The following LNX1 variants were observed in gnomAD, a reference collection of about 807,000 sequenced individuals.
LNX1 encodes ligand of numb-protein X 1.
Under a neutral mutation model 68.4 loss-of-function variants are expected in LNX1, and 54 were observed. The ratio of observed to expected loss-of-function variants is 0.79; its 90% CI spans 0.63 to 0.99. The LOEUF (loss-of-function observed/expected upper bound fraction) is 0.99, where lower values mean the gene tolerates loss of function less well. LNX1 is among the 50% of genes least tolerant of loss of function. LNX1 has a pLI of 0.00. For missense variants in LNX1, 906 were observed against 926.4 expected, an observed-to-expected ratio of 0.98 and a Z score of 0.29; for synonymous variants, 336 against 350.0, an observed-to-expected ratio of 0.96 and a Z score of 0.45.
intron 5 of LNX1, among the ~76,000 whole-genome samples, chr4:53,497,125 T>C (rs1725125182): frequency 6.6e-6 from 1 of 152,234 alleles, no homozygotes; most frequent in African/African-American, 2.4e-5. Flanking sequence ...GATCTCTTTA[T>C]AAAGCTACTT....
At chr4:53,462,042 T>C (rs1722179042) in intron 9 of LNX1, among the ~76,000 whole-genome samples, 1 of 152,120 alleles carries the variant, frequency 6.6e-6, no homozygotes, top group Admixed American at 6.6e-5. Flanking sequence ...CTAATCCTAA[T>C]AAATGAATTC....
At chr4:53,552,707 T>TA (rs1729597778) in intron 2 of LNX1, among the ~76,000 whole-genome samples, 1 of 151,454 alleles carries the variant, frequency 6.6e-6, no homozygotes, top group South Asian at 2.1e-4. Context: ...CAGGTGCCTG[T>TA]AGTCCCAGCT....
rs768544463 is a variant in LNX1, at chr4:53,573,803, T to C, written c.200A>G (p.Asn67Ser). The stretch of plus-strand genomic sequence containing the variant: ...ACAGAAGTCCTTCTCCACCAGGAAG[T>C]TGGTGAGGCAGAGGGTGCAGTAGGT... ...GHTYCTLCLT[N>S]FLVEKDFCPM... Residue 67 changes from asparagine (N) to serine (S), a missense_variant, in exon 2 of 11, where the codon AAC becomes AGC. Coordinates refer to ENST00000263925, the MANE Select transcript of LNX1 (RefSeq NM_001126328.3). 41 of 1,612,990 alleles carry C rather than the reference T, an allele frequency of 2.5e-5. No homozygotes were observed. Among genetic ancestry groups the C allele is most frequent in the Non-Finnish European group, 3.4e-5 (40 of 1,179,522 alleles).
In LNX1 at chr4:53,460,359, A is replaced by AAT. The variant is rs1721698332; in HGVS notation, c.*546_*547dup. 1 of 176,186 alleles carries AAT rather than the reference A, an allele frequency of 5.7e-6. No homozygotes were observed. Among genetic ancestry groups the AAT allele is most frequent in the South Asian group, 2.0e-4 (1 of 5,114 alleles). The allele number at this position is 176,186 out of a possible 1,614,324, so 10.9% of individuals were successfully genotyped here. ...GAGGTATTCATCGGTGATGGTAACAAATAACATGGTATTTGAAAGAATAAA... is the reference window on the plus strand; with the variant it reads ...GAGGTATTCATCGGTGATGGTAACAAATATAACATGGTATTTGAAAGAATAAA... On this transcript the variant is annotated 3_prime_UTR_variant, in exon 11 of 11. Coordinates refer to ENST00000263925, the MANE Select transcript of LNX1 (RefSeq NM_001126328.3).
At chr4:53,540,621 G>A (rs1728690232) in intron 2 of LNX1, among the ~76,000 whole-genome samples, 1 of 151,958 alleles carries the variant, frequency 6.6e-6, no homozygotes, top group South Asian at 2.1e-4. Flanking sequence ...GGGGGAGGTT[G>A]CAGCGAGCCG....
At chr4:53,576,479 C>T (rs1250062277) in intron 1 of LNX1, 6 of 1,314,970 alleles carry the variant, frequency 4.6e-6, no homozygotes, top group African/African-American at 1.5e-5. Flanking sequence ...GACAGCCCTG[C>T]CCTTCCCATG....
At chr4:53,637,225 C>T (rs1734514666) in intron 1 of LNX1, among the ~76,000 whole-genome samples, 1 of 151,996 alleles carries the variant, frequency 6.6e-6, no homozygotes, top group South Asian at 2.1e-4. Flanking sequence ...AAAGGACTGC[C>T]TTGGCCCCTA....
chr4:53,559,166 G>T (rs752031289), intron 2 of LNX1, among the ~76,000 whole-genome samples: 1 of 152,184 alleles, frequency 6.6e-6, no homozygotes, highest in South Asian at 2.1e-4. Flanking sequence ...AGGATGAGAC[G>T]AGTTGCAATG....
At chr4:53,578,480 G>T (rs1731635093) in intron 1 of LNX1, among the ~76,000 whole-genome samples, 1 of 152,134 alleles carries the variant, frequency 6.6e-6, no homozygotes, top group African/African-American at 2.4e-5. Context: ...TCTAAACATA[G>T]AAAAGGTACA....
rs547749487 is a variant in LNX1, at chr4:53,539,279, AAAG to A, written c.381-31055_381-31053del. 7.2e-5 allele frequency: 11 copies of A among 152,370 alleles called. No homozygotes were observed. The East Asian group carries it at 1.9e-3, about 27-fold the overall frequency. 9.4% of individuals were successfully genotyped at this position (152,370 alleles called of 1,614,324 possible). On this transcript the variant is annotated intron_variant, in intron 2 of 10. Transcript: ENST00000263925. ...CAGGGTCTGGACCTTCTCACTATAA[AAAG>A]AATAGTGAAGTATACAGATATTTAC...
At chr4:53,467,752 CAAAAT>C (rs1722800952) in intron 9 of LNX1, among the ~76,000 whole-genome samples, 1 of 151,356 alleles carries the variant, frequency 6.6e-6, no homozygotes, top group Non-Finnish European at 1.5e-5. Context: ...CGATGGAAGA[CAAAAT>C]GAATGAAATG....
intron 1 of LNX1, among the ~76,000 whole-genome samples, chr4:53,642,442 C>A (rs1427060309): frequency 6.6e-6 from 1 of 152,088 alleles, no homozygotes; most frequent in East Asian, 1.9e-4. Flanking sequence ...AATGTGGGGC[C>A]TAGGACAAAG....
At chr4:53,600,307 C>CA (rs1264810524) in intron 2 of LNX1, among the ~76,000 whole-genome samples, 3 of 151,400 alleles carry the variant, frequency 2.0e-5, no homozygotes, top group Non-Finnish European at 2.9e-5. Flanking sequence ...CACATGCACA[C>CA]AAAAAAAAGT....
At chr4:53,578,448 C>T (rs574139794) in intron 1 of LNX1, among the ~76,000 whole-genome samples, 3 of 152,144 alleles carry the variant, frequency 2.0e-5, no homozygotes, top group Admixed American at 6.5e-5. Context: ...GCAACTGTAA[C>T]ACAATGGTAA....
intron 9 of LNX1, among the ~76,000 whole-genome samples, chr4:53,464,996 G>A (rs1722560643): frequency 6.6e-6 from 1 of 152,054 alleles, no homozygotes; most frequent in Non-Finnish European, 1.5e-5. Flanking sequence ...TTGCAGCTGT[G>A]CAATATCAAA....
At chr4:53,631,498 G>C (rs142330087) in intron 1 of LNX1, among the ~76,000 whole-genome samples, 1 of 152,108 alleles carries the variant, frequency 6.6e-6, no homozygotes, top group African/African-American at 2.4e-5. Flanking sequence ...CTCTTCCTAG[G>C]ACACTGATCC....
intron 2 of LNX1, among the ~76,000 whole-genome samples, chr4:53,530,242 A>G (rs1431902230): frequency 2.0e-5 from 3 of 152,192 alleles, no homozygotes; most frequent in African/African-American, 7.2e-5. Context: ...ATATACAGAA[A>G]GAATCGTAAG....
chr4:53,462,137 G>A (rs1261939184), intron 9 of LNX1, among the ~76,000 whole-genome samples: 2 of 152,060 alleles, frequency 1.3e-5, no homozygotes, highest in African/African-American at 2.4e-5. Flanking sequence ...CACGCATAAA[G>A]TGAATGGAAA....
At chr4:53,495,491 G>A (rs1182891396) in intron 6 of LNX1, among the ~76,000 whole-genome samples, 6 of 150,178 alleles carry the variant, frequency 4.0e-5, no homozygotes, top group Non-Finnish European at 8.8e-5. Flanking sequence ...CCTGGACTTA[G>A]CCATGGAGAC....
Sources: gnomAD v4.1 joint callset for allele counts (sites outside exome capture counted in the v4.1 genomes callset) on GRCh38, gnomAD v4.1.1 for gene constraint, MANE v1.5 for transcripts, NCBI Gene and HGNC (gene_info 2026-07-23, HGNC 2026-07-21) for gene names.